LRRC4C: variants seen among roughly 807,000 people sequenced by gnomAD.
LRRC4C encodes the protein leucine rich repeat containing 4C, also known as leucine-rich repeat-containing protein 4C.
A neutral mutation model predicts 33.6 loss-of-function variants in LRRC4C; 5 were observed. The observed-to-expected ratio is 0.15, with a 90% CI of 0.08 to 0.31. The LOEUF (loss-of-function observed/expected upper bound fraction) is 0.31, where lower values mean the gene tolerates loss of function less well. Among genes scored for constraint, LRRC4C ranks in the 10% least tolerant of loss-of-function variants. The pLI is 1.00. For synonymous variants in LRRC4C, 329 were observed against 302.0 expected, an observed-to-expected ratio of 1.09 and a Z score of -0.93; for missense variants, 560 against 796.7, an observed-to-expected ratio of 0.70 and a Z score of 3.58.
chr11:41,138,453 C>G (rs1040797490), intron 1 of LRRC4C, among the ~76,000 whole-genome samples: 43 of 152,058 alleles, frequency 2.8e-4, no homozygotes, highest in South Asian at 2.1e-4. Flanking sequence ...CATTGACACT[C>G]CCTGGAGAAG....
At chr11:40,438,362 CA>C (rs1399968219) in intron 3 of LRRC4C, among the ~76,000 whole-genome samples, 1 of 152,110 alleles carries the variant, frequency 6.6e-6, no homozygotes, top group African/African-American at 2.4e-5. Flanking sequence ...AAAACAATAA[CA>C]AAAAACTATA....
At chr11:40,477,079 T>C (rs1388266956) in intron 3 of LRRC4C, among the ~76,000 whole-genome samples, 1 of 152,230 alleles carries the variant, frequency 6.6e-6, no homozygotes. Flanking sequence ...AAGTTAAAAA[T>C]AGCCCATTCT....
intron 1 of LRRC4C, among the ~76,000 whole-genome samples, chr11:41,427,227 TTTA>T (rs199944395): frequency 0.014 from 2,144 of 152,252 alleles, 50 homozygotes; most frequent in African/African-American, 0.048. Flanking sequence ...GTTCTGGAAG[TTTA>T]TTAATTTGTT....
At chr11:40,530,844 G>GT (rs1272677824) in intron 3 of LRRC4C, among the ~76,000 whole-genome samples, 1 of 152,088 alleles carries the variant, frequency 6.6e-6, no homozygotes, top group African/African-American at 2.4e-5. Context: ...CATTATGGGG[G>GT]TAAATGTATT....
At chr11:40,851,066 T>C (rs2135741320) in intron 2 of LRRC4C, among the ~76,000 whole-genome samples, 1 of 152,314 alleles carries the variant, frequency 6.6e-6, no homozygotes, top group African/African-American at 2.4e-5. Context: ...TGCTGAGCTC[T>C]GTGGCGGTAC....
chr11:40,705,375 G>C (rs1946104942), intron 2 of LRRC4C, among the ~76,000 whole-genome samples: 1 of 151,774 alleles, frequency 6.6e-6, no homozygotes, highest in South Asian at 2.1e-4. Context: ...AGCCACGACA[G>C]GGCCGGGTGT....
chr11:40,170,757 C>T (rs1257733531), intron 5 of LRRC4C, among the ~76,000 whole-genome samples: 4 of 152,148 alleles, frequency 2.6e-5, no homozygotes, highest in African/African-American at 9.7e-5. Context: ...TACACTTCTG[C>T]CTTTAGAAAT....
intron 3 of LRRC4C, among the ~76,000 whole-genome samples, chr11:40,443,251 T>A (rs778942492): frequency 9.2e-5 from 14 of 152,182 alleles, no homozygotes; most frequent in Non-Finnish European, 1.9e-4. Flanking sequence ...TCCCCTGTAG[T>A]TGGGAAAGAC....
intron 3 of LRRC4C, among the ~76,000 whole-genome samples, chr11:40,463,282 T>G (rs77363691): frequency 0.041 from 6,194 of 149,914 alleles, 411 homozygotes; most frequent in African/African-American, 0.14. Flanking sequence ...ATTGGGAAGA[T>G]ATAGGTGTGC....
intron 3 of LRRC4C, among the ~76,000 whole-genome samples, chr11:40,554,984 G>T (rs1327834464): frequency 1.4e-5 from 2 of 143,162 alleles, no homozygotes; most frequent in African/African-American, 5.9e-5. Flanking sequence ...GCCTCCCAAA[G>T]TGCTGGGATT....
At chr11:40,198,139 G>A (rs980675267) in intron 5 of LRRC4C, among the ~76,000 whole-genome samples, 1 of 152,110 alleles carries the variant, frequency 6.6e-6, no homozygotes, top group Non-Finnish European at 1.5e-5. Flanking sequence ...TATAAATGAA[G>A]CAGGAAGAGA....
intron 2 of LRRC4C, among the ~76,000 whole-genome samples, chr11:40,692,656 T>C (rs1203574357): frequency 6.6e-6 from 1 of 152,096 alleles, no homozygotes; most frequent in East Asian, 1.9e-4. Context: ...TGATTAGGTC[T>C]TAGGAAGTTA....
At chr11:41,443,089 A>ATTTTTTTTTTTTTTTTTTTTTTTTCT in intron 1 of LRRC4C, among the ~76,000 whole-genome samples, 1 of 105,994 alleles carries the variant, frequency 9.4e-6, no homozygotes, top group Non-Finnish European at 1.8e-5. Context: ...TGTTTGCTTC[A>ATTTTTTTTTTTTTTTTTTTTTTTTCT]TTTTTTTTTT....
intron 3 of LRRC4C, among the ~76,000 whole-genome samples, chr11:40,416,457 G>A (rs958812118): frequency 1.3e-5 from 2 of 152,126 alleles, no homozygotes; most frequent in Admixed American, 6.5e-5. Flanking sequence ...TTGTGGAACA[G>A]AAAGACAGTC....
chr11:41,008,795 C>G (rs953895733), intron 1 of LRRC4C, among the ~76,000 whole-genome samples: 1 of 151,994 alleles, frequency 6.6e-6, no homozygotes, highest in Admixed American at 6.6e-5. Flanking sequence ...TTGGGTTTTT[C>G]TGCCCTAGTT....
At chr11:40,488,998 C>T (rs1376200579) in intron 3 of LRRC4C, among the ~76,000 whole-genome samples, 1 of 152,056 alleles carries the variant, frequency 6.6e-6, no homozygotes, top group Non-Finnish European at 1.5e-5. Flanking sequence ...GGGATAAATT[C>T]CTGGTGCTGC....
chr11:41,162,088 G>A (rs1446303779), intron 1 of LRRC4C, among the ~76,000 whole-genome samples: 2 of 152,082 alleles, frequency 1.3e-5, no homozygotes, highest in Non-Finnish European at 2.9e-5. Context: ...TTTTCTGATT[G>A]CTAAATTTGG....
At chr11:41,247,123 C>T (rs1948479247) in intron 1 of LRRC4C, among the ~76,000 whole-genome samples, 1 of 152,192 alleles carries the variant, frequency 6.6e-6, no homozygotes, top group Non-Finnish European at 1.5e-5. Context: ...TATTAAAGGG[C>T]TATGTAGTGT....
At chr11:40,752,919 C>T (rs879688664) in intron 2 of LRRC4C, among the ~76,000 whole-genome samples, 1 of 152,008 alleles carries the variant, frequency 6.6e-6, no homozygotes, top group Non-Finnish European at 1.5e-5. Context: ...TAGGTATACA[C>T]AGTGGAATAC....
Sources: allele counts gnomAD v4.1 joint callset (sites outside exome capture counted in the v4.1 genomes callset), GRCh38; gene constraint gnomAD v4.1.1; transcripts MANE v1.5; gene names NCBI Gene and HGNC (gene_info 2026-07-23, HGNC 2026-07-21).